The following GLI3 variants were observed in gnomAD, a reference collection of about 807,000 sequenced individuals.
GLI3 encodes transcription activator GLI3.
In GLI3, 20 loss-of-function variants were observed where a neutral mutation model predicts 100.8. The ratio of observed to expected loss-of-function variants is 0.20; its 90% CI spans 0.14 to 0.29. The LOEUF is 0.29. GLI3 is among the 10% of genes least tolerant of loss of function. GLI3 has a pLI of 1.00. For synonymous variants in GLI3, 938 were observed against 860.5 expected (o/e 1.09, Z -1.58); for missense variants, 2,040 against 2,128.5 (o/e 0.96, Z 0.82).
At chr7:42,068,097 C>A (rs903113159) in intron 4 of GLI3, among the ~76,000 whole-genome samples, 1 of 152,222 alleles carries the variant, frequency 6.6e-6, no homozygotes, top group Non-Finnish European at 1.5e-5. Flanking sequence ...GCCACTCTGA[C>A]CATTCTCCCT....
At position 42,091,951 on chromosome 7, in the gene GLI3, T is replaced by C. The variant is rs554596316; in HGVS notation, c.368-15094A>G. ...TTCACTTCATTAGAAAGGCAAACAA[T>C]TTAGCAAGAGAATACCACCAGCACT... is the stretch of plus-strand genomic sequence containing the variant. On this transcript the variant is annotated intron_variant, in intron 3 of 14. Coordinates refer to ENST00000395925, the MANE Select transcript of GLI3 (RefSeq NM_000168.6). Among the ~76,000 whole-genome samples, 35 of 152,336 alleles carry C rather than the reference T, an allele frequency of 2.3e-4. 1 individual carries two copies. The East Asian group carries it at 6.4e-3, about 28-fold the overall frequency.
At chr7:42,199,430 A>G (rs1430594267) in intron 2 of GLI3, among the ~76,000 whole-genome samples, 1 of 152,238 alleles carries the variant, frequency 6.6e-6, no homozygotes, top group Non-Finnish European at 1.5e-5. Flanking sequence ...AAACCAGAGT[A>G]CGGGCACACA....
At chr7:42,149,689 T>C (rs1462333340) in intron 2 of GLI3, among the ~76,000 whole-genome samples, 3 of 152,238 alleles carry the variant, frequency 2.0e-5, no homozygotes, top group Non-Finnish European at 4.4e-5. Context: ...TATTTGGGTA[T>C]AAATAATAAT....
At chr7:42,175,433 T>A (rs546630992) in intron 2 of GLI3, among the ~76,000 whole-genome samples, 2 of 152,148 alleles carry the variant, frequency 1.3e-5, no homozygotes, top group South Asian at 2.1e-4. Context: ...GCCTGGCCAA[T>A]ATGGCAAAAC....
Position 42,148,424 on chromosome 7 carries a change from C to T in GLI3, c.169G>A (p.Ala57Thr), listed in dbSNP as rs775586921. 8.1e-6 allele frequency: 13 copies of T among 1,613,698 alleles called. No homozygotes were observed. Among genetic ancestry groups the T allele is most frequent in the Middle Eastern group, 1.7e-4 (1 of 6,058 alleles). ...GQTYHRERRN[A>T]ITMQPQNVQG... is the part of the protein sequence containing the mutation. ...ACATTCTGTGGCTGCATAGTGATTG[C>T]GTTTCTTCTCTCTCTGTGATAAGTC... Residue 57 changes from alanine to threonine, a missense_variant, in exon 3 of 15, where the codon GCA (alanine) becomes ACA (threonine). Transcript: ENST00000395925.
Position 42,166,650 on chromosome 7 carries a change from C to CT in GLI3, c.125-18183dup, listed in dbSNP as rs1203814510. On this transcript the variant is annotated intron_variant, in intron 2 of 14. Coordinates refer to ENST00000395925, the MANE Select transcript of GLI3 (RefSeq NM_000168.6). ...CATTCTGCCAGCCTGGTTCTGATTCCTTTTTTTTTTTTTTTTTTTTTTTTT... is the reference window on the plus strand; with the variant it reads ...CATTCTGCCAGCCTGGTTCTGATTCCTTTTTTTTTTTTTTTTTTTTTTTTTT... Among the ~76,000 whole-genome samples the CT allele has an allele frequency of 9.6e-3, 770 of 80,284 alleles. 41 individuals carry two copies. The highest frequency in any genetic ancestry group is 0.015 in the African/African-American group (232 of 15,004). The allele number at this position is 80,284 out of a possible 152,430, so 52.7% of individuals were successfully genotyped here. A position where few individuals can be genotyped will look rare whatever the true frequency, so the allele number is the denominator to read the frequency against.
At chr7:42,073,448 T>C (rs1156433816) in intron 4 of GLI3, among the ~76,000 whole-genome samples, 1 of 152,262 alleles carries the variant, frequency 6.6e-6, no homozygotes, top group Non-Finnish European at 1.5e-5. Context: ...CAGGTTAATT[T>C]GTGATTTCCT....
At chr7:42,162,424 A>G (rs1787148130) in intron 2 of GLI3, among the ~76,000 whole-genome samples, 1 of 152,178 alleles carries the variant, frequency 6.6e-6, no homozygotes, top group Non-Finnish European at 1.5e-5. Flanking sequence ...TTTATTCTTT[A>G]ATTCACATCT....
chr7:41,969,621 T>C (rs891320813), intron 13 of GLI3, among the ~76,000 whole-genome samples: 2 of 152,258 alleles, frequency 1.3e-5, no homozygotes, highest in African/African-American at 4.8e-5. Flanking sequence ...CCTGAGGTAC[T>C]TGTTTCCAGA....
chr7:42,230,728 C>A (rs1788681352), intron 1 of GLI3, among the ~76,000 whole-genome samples: 1 of 152,210 alleles, frequency 6.6e-6, no homozygotes, highest in South Asian at 2.1e-4. Context: ...TTTCTCAGTT[C>A]TGTAAAACTA....
chr7:42,141,603 C>A (rs932750227), intron 3 of GLI3, among the ~76,000 whole-genome samples: 1 of 151,982 alleles, frequency 6.6e-6, no homozygotes, highest in Non-Finnish European at 1.5e-5. Flanking sequence ...ACCTGGGAGG[C>A]GGAGGTTGCG....
At chr7:42,158,800 CT>C (rs1787064865) in intron 2 of GLI3, among the ~76,000 whole-genome samples, 1 of 152,110 alleles carries the variant, frequency 6.6e-6, no homozygotes, top group Admixed American at 6.5e-5. Context: ...CAGCTGAAGA[CT>C]ATTTTCATTG....
chr7:42,213,655 T>C (rs115603317), intron 2 of GLI3, among the ~76,000 whole-genome samples: 1,746 of 152,374 alleles, frequency 0.011, 29 homozygotes, highest in African/African-American at 0.039. Flanking sequence ...AAAATCCATT[T>C]TGAAACCAAT....
intron 3 of GLI3, among the ~76,000 whole-genome samples, chr7:42,088,599 C>A (rs1166575556): frequency 6.6e-6 from 1 of 152,234 alleles, no homozygotes; most frequent in Non-Finnish European, 1.5e-5. Context: ...CCCACCATGC[C>A]CATAAAAGGC....
chr7:42,068,302 C>G (rs535222881), intron 4 of GLI3, among the ~76,000 whole-genome samples: 1 of 152,348 alleles, frequency 6.6e-6, no homozygotes, highest in South Asian at 2.1e-4. Context: ...TACTGAACTG[C>G]AACACAATCA....
At chr7:42,003,685 C>A (rs1189805958) in intron 10 of GLI3, among the ~76,000 whole-genome samples, 1 of 152,056 alleles carries the variant, frequency 6.6e-6, no homozygotes, top group Non-Finnish European at 1.5e-5. Context: ...TTTTAAAAAT[C>A]ATTATTAAAG....
intron 2 of GLI3, among the ~76,000 whole-genome samples, chr7:42,163,954 T>G (rs1466773734): frequency 1.3e-5 from 2 of 152,226 alleles, no homozygotes; most frequent in African/African-American, 4.8e-5. Context: ...CTTACTTGTC[T>G]TTATCAATCT....
At chr7:42,198,806 C>T (rs1174700666) in intron 2 of GLI3, among the ~76,000 whole-genome samples, 2 of 152,012 alleles carry the variant, frequency 1.3e-5, no homozygotes, top group South Asian at 2.1e-4. Flanking sequence ...GCGGCACACA[C>T]AGATTAACTC....
In GLI3 at chr7:42,204,554, C is replaced by T. The variant is rs1366848905; in HGVS notation, c.124+18576G>A. Among the ~76,000 whole-genome samples, 5 of 152,314 alleles carry T rather than the reference C, an allele frequency of 3.3e-5. No individual in the cohort carries two copies. In the South Asian group the frequency reaches 1.0e-3, roughly 32 times the overall value. Reference sequence around the variant, plus strand: ...AGCAGGCCCCACATTTTGTTATCCTCACAATCAAATAAAGTGCCTGGCACT... The same window carrying T: ...AGCAGGCCCCACATTTTGTTATCCTTACAATCAAATAAAGTGCCTGGCACT... On this transcript the variant is annotated intron_variant, in intron 2 of 14. Transcript: ENST00000395925.
Sources: gnomAD v4.1 joint callset for allele counts (sites outside exome capture counted in the v4.1 genomes callset) on GRCh38, gnomAD v4.1.1 for gene constraint, MANE v1.5 for transcripts, NCBI Gene and HGNC (gene_info 2026-07-23, HGNC 2026-07-21) for gene names.